ARRB1: variants seen among roughly 807,000 people sequenced by gnomAD.
The protein encoded by ARRB1 is arrestin beta 1.
Under a neutral mutation model 56.8 loss-of-function variants are expected in ARRB1, and 21 were observed. That is an observed-to-expected ratio of 0.37 (90% CI 0.26 to 0.53). The LOEUF is 0.53. ARRB1 is among the 20% of genes least tolerant of loss of function. The probability of loss-of-function intolerance (pLI) is 0.88; values close to 1 mark genes in which losing one functional copy is unlikely to be tolerated. For missense variants in ARRB1, 424 were observed against 553.7 expected, an observed-to-expected ratio of 0.77 and a Z score of 2.35; for synonymous variants, 210 against 218.6, an observed-to-expected ratio of 0.96 and a Z score of 0.35.
At chr11:75,305,135 A>G (rs1947000645) in intron 1 of ARRB1, among the ~76,000 whole-genome samples, 1 of 149,480 alleles carries the variant, frequency 6.7e-6, no homozygotes, top group South Asian at 2.1e-4. Flanking sequence ...GGTTCATGCA[A>G]TTCTCGTGAC....
At position 75,261,453 on chromosome 11, in the gene ARRB1, G is replaced by A. The variant is rs1397091766; in HGVS notation, c.*4710C>T. The A allele has an allele frequency of 6.6e-6, 1 of 152,170 alleles. No individual in the cohort carries two copies. The highest frequency in any genetic ancestry group is 1.5e-5 in the Non-Finnish European group (1 of 68,036). The allele number at this position is 152,170 out of a possible 1,614,324, so 9.4% of individuals were successfully genotyped here. A position where few individuals can be genotyped will look rare whatever the true frequency, so the allele number is the denominator to read the frequency against. ...TATTCTGGTGGCGGCGGAAATGGGA[G>A]GAGGGCTGGAAACCTATCCTTTGCC... On this transcript the variant is annotated 3_prime_UTR_variant, in exon 16 of 16. Transcript: ENST00000420843.
chr11:75,277,538 G>A (rs1946228428), intron 8 of ARRB1, 90 bp from the exon 9 acceptor site: 3 of 1,227,230 alleles, frequency 2.4e-6, no homozygotes, highest in Non-Finnish European at 3.6e-6. Flanking sequence ...GCGATCTTCT[G>A]GGGTTCCCCA....
intron 1 of ARRB1, among the ~76,000 whole-genome samples, chr11:75,317,381 G>A (rs1267227249): frequency 6.6e-6 from 1 of 152,010 alleles, no homozygotes; most frequent in Non-Finnish European, 1.5e-5. Flanking sequence ...TAACTTCTGT[G>A]AAAATAACAC....
At chr11:75,322,206 G>A (rs1947357822) in intron 1 of ARRB1, among the ~76,000 whole-genome samples, 1 of 152,206 alleles carries the variant, frequency 6.6e-6, no homozygotes, top group East Asian at 1.9e-4. Flanking sequence ...CTGGGGTGCT[G>A]AACTGGGGCA....
chr11:75,309,398 G>T (rs1301807544), intron 1 of ARRB1, among the ~76,000 whole-genome samples: 1 of 152,280 alleles, frequency 6.6e-6, no homozygotes, highest in Non-Finnish European at 1.5e-5. Context: ...GCACAGAGAA[G>T]GTGCATCATA....
At chr11:75,285,064 G>A (rs566271506) in intron 3 of ARRB1, among the ~76,000 whole-genome samples, 5 of 152,176 alleles carry the variant, frequency 3.3e-5, no homozygotes, top group African/African-American at 1.2e-4. Flanking sequence ...AAATAGCCTC[G>A]CATCAGTTTG....
chr11:75,343,961 G>A (rs986078335), intron 1 of ARRB1, among the ~76,000 whole-genome samples: 20 of 151,962 alleles, frequency 1.3e-4, no homozygotes, highest in African/African-American at 3.9e-4. Flanking sequence ...GACTACAGGC[G>A]CCCGCCACCA....
chr11:75,278,589 G>T lies in ARRB1; in HGVS notation c.618+20C>A, dbSNP rs370711280. On this transcript the variant is annotated intron_variant, in intron 8 of 15. Coordinates refer to ENST00000420843, the MANE Select transcript of ARRB1 (RefSeq NM_004041.5). ...CCTGGTGGAGCAGCCCCCACCCCCTGCCAAGTCCGAGCCTCCTACCTCCTT... is the reference window on the plus strand; with the variant it reads ...CCTGGTGGAGCAGCCCCCACCCCCTTCCAAGTCCGAGCCTCCTACCTCCTT... The T allele has an allele frequency of 4.3e-6, 7 of 1,613,676 alleles. No homozygotes were observed. Among genetic ancestry groups the T allele is most frequent in the Non-Finnish European group, 5.9e-6 (7 of 1,179,858 alleles).
intron 1 of ARRB1, among the ~76,000 whole-genome samples, chr11:75,308,587 T>TA (rs1048444158): frequency 2.0e-5 from 3 of 151,728 alleles, no homozygotes; most frequent in African/African-American, 4.8e-5. Context: ...CTACTAAAAA[T>TA]AAAAAAAATT....
intron 1 of ARRB1, among the ~76,000 whole-genome samples, chr11:75,308,205 T>C (rs557118125): frequency 6.6e-6 from 1 of 152,096 alleles, no homozygotes; most frequent in African/African-American, 2.4e-5. Flanking sequence ...CAAAGTACTT[T>C]GCCGACACTT....
In ARRB1 at chr11:75,277,388, T is replaced by A; in HGVS notation, c.679A>T (p.Thr227Ser). ...NVHVTNNTNK[T>S]VKKIKISVRQ... ...CCTGAGATCTTGATCTTCTTCACCG[T>A]CTTGTTGGTGTTGTTGGTGACGTGG... The change falls in exon 9 of 16, where the codon ACG (threonine) becomes TCG (serine). Residue 227 changes from threonine to serine, a missense_variant. Around this residue, in one of 3 missense-constraint regions of ARRB1, gnomAD observed 301 missense variants for 387.9 expected, o/e 0.78. Coordinates refer to ENST00000420843, the MANE Select transcript of ARRB1 (RefSeq NM_004041.5). 6 of 1,614,114 alleles carry A rather than the reference T, an allele frequency of 3.7e-6. No individual in the cohort carries two copies. Among genetic ancestry groups the A allele is most frequent in the Non-Finnish European group, 5.1e-6 (6 of 1,179,980 alleles).
At position 75,270,732 on chromosome 11, in the gene ARRB1, G is replaced by T. The variant is rs368585728; in HGVS notation, c.1022+969C>A. The stretch of plus-strand genomic sequence containing the variant: ...GGCTTCCACCCAGGAGGCAGAGAAG[G>T]TTACAGTGAACCAAGTTTGTGCCAC... On this transcript the variant is annotated intron_variant, in intron 13 of 15. Coordinates refer to ENST00000420843, the MANE Select transcript of ARRB1 (RefSeq NM_004041.5). Among the ~76,000 whole-genome samples the T allele has an allele frequency of 2.1e-3, 324 of 152,214 alleles. 1 individual carries two copies. Among genetic ancestry groups the T allele is most frequent in the African/African-American group, 7.5e-3 (310 of 41,536 alleles).
chr11:75,292,137 T>TTTAC lies in ARRB1; in HGVS notation c.21-2099_21-2098insGTAA, dbSNP rs540556587. 6.4e-3 allele frequency among the ~76,000 whole-genome samples: 965 copies of TTTAC among 151,406 alleles called. 18 individuals carry two copies. The highest frequency in any genetic ancestry group is 0.023 in the African/African-American group (938 of 41,220). On this transcript the variant is annotated intron_variant, in intron 1 of 15. Transcript: ENST00000420843. ...CTTTTCTCCTGCTCATAAATATTTA[T>TTTAC]TTATTTATTTATATTTTTTTGAGAT...
chr11:75,265,894 T>C lies in ARRB1; in HGVS notation c.*269A>G, dbSNP rs1945895646. 1 of 480,058 alleles carries C rather than the reference T, an allele frequency of 2.1e-6. No individual in the cohort carries two copies. The highest frequency in any genetic ancestry group is 3.4e-5 in the Admixed American group (1 of 29,598). 29.7% of individuals were successfully genotyped at this position (480,058 alleles called of 1,614,324 possible). A position where few individuals can be genotyped will look rare whatever the true frequency, so the allele number is the denominator to read the frequency against. On this transcript the variant is annotated 3_prime_UTR_variant, in exon 16 of 16. Coordinates refer to ENST00000420843, the MANE Select transcript of ARRB1 (RefSeq NM_004041.5). ...AAGTCCAATTCCAAGGCCAGAGCCC[T>C]GGCAGCTTTTCTGGGAGACAGCATG...
intron 1 of ARRB1, among the ~76,000 whole-genome samples, chr11:75,309,541 C>T (rs1190236397): frequency 6.6e-6 from 1 of 152,206 alleles, no homozygotes; most frequent in Non-Finnish European, 1.5e-5. Context: ...CTAACCCCTA[C>T]CACAGCAAGC....
chr11:75,317,995 C>T (rs569605764), intron 1 of ARRB1, among the ~76,000 whole-genome samples: 42 of 152,246 alleles, frequency 2.8e-4, no homozygotes, highest in African/African-American at 9.4e-4. Context: ...CTCCACCCAC[C>T]GAGACGCTTA....
chr11:75,278,532 G>A, intron 8 of ARRB1, 77 bp downstream of exon 8: 1 of 1,595,566 alleles, frequency 6.3e-7, no homozygotes, highest in Non-Finnish European at 8.5e-7. Flanking sequence ...ATCCTTGCAG[G>A]CCAGGAGAGA....
chr11:75,300,985 A>T (rs1192388016), intron 1 of ARRB1, among the ~76,000 whole-genome samples: 2 of 147,072 alleles, frequency 1.4e-5, no homozygotes, highest in African/African-American at 5.1e-5. Context: ...AAAAAAAAAA[A>T]ATACAAAAAT....
In ARRB1 at chr11:75,269,226, C is replaced by G. The variant is rs532710741; in HGVS notation, c.1023-267G>C. ...TGGGTTCCCACGGGCTGGGAAGAGG[C>G]CCAGGGGTGGGAAAGGATTGCCCGG... On this transcript the variant is annotated intron_variant, in intron 13 of 15. Coordinates refer to ENST00000420843, the MANE Select transcript of ARRB1 (RefSeq NM_004041.5). 7.0e-5 allele frequency: 48 copies of G among 689,780 alleles called. 1 individual carries two copies. Among genetic ancestry groups the G allele is most frequent in the South Asian group, 6.3e-4 (45 of 71,116 alleles). 42.7% of individuals were successfully genotyped at this position (689,780 alleles called of 1,614,324 possible). A position where few individuals can be genotyped will look rare whatever the true frequency, so the allele number is the denominator to read the frequency against.
Sources: gnomAD v4.1 joint callset for allele counts (sites outside exome capture counted in the v4.1 genomes callset) on GRCh38, gnomAD v4.1.1 for gene constraint, gnomAD v4.1.1 regional missense constraint, MANE v1.5 for transcripts, NCBI Gene and HGNC (gene_info 2026-07-23, HGNC 2026-07-21) for gene names.